The following ROCK2 variants were observed in gnomAD, a reference collection of about 807,000 sequenced individuals.
ROCK2 encodes the protein rho-associated protein kinase 2.
A neutral mutation model predicts 195.1 loss-of-function variants in ROCK2; 61 were observed. The observed-to-expected ratio is 0.31, with a 90% CI of 0.25 to 0.39. The LOEUF (loss-of-function observed/expected upper bound fraction) is 0.39, where lower values mean the gene tolerates loss of function less well. ROCK2 is among the 10% of genes least tolerant of loss of function. The pLI, the probability that ROCK2 is intolerant of heterozygous loss-of-function variation, is 1.00. For synonymous variants in ROCK2, 504 were observed against 545.5 expected, an observed-to-expected ratio of 0.92 and a Z score of 1.06; for missense variants, 1,109 against 1,637.4, an observed-to-expected ratio of 0.68 and a Z score of 5.57.
chr2:11,258,338 G>A (rs1303075799), intron 3 of ROCK2, among the ~76,000 whole-genome samples: 4 of 151,394 alleles, frequency 2.6e-5, no homozygotes, highest in East Asian at 1.9e-4. Flanking sequence ...TACTACCTGC[G>A]TATTTCTTTG....
In ROCK2 at chr2:11,265,934, A is replaced by G. The variant is rs866635922; in HGVS notation, c.325-16136T>C. Among the ~76,000 whole-genome samples, 487 of 140,018 alleles carry G rather than the reference A, an allele frequency of 3.5e-3. 4 individuals are homozygous for G. Among genetic ancestry groups the G allele is most frequent in the African/African-American group, 0.013 (455 of 35,438 alleles). 91.9% of individuals were successfully genotyped at this position (140,018 alleles called of 152,430 possible). On this transcript the variant is annotated intron_variant, in intron 3 of 32. Coordinates refer to ENST00000315872, the MANE Select transcript of ROCK2 (RefSeq NM_004850.5). ...ACACTGGGGGACCTTGTTTCTACAA[A>G]AAAAAAAAAAAATTCAAAACTAGCC...
Position 11,218,975 on chromosome 2 carries a change from C to T in ROCK2, c.1311G>A (p.Arg437=). ...AAAAATGTATACGTACTTCATTTTT[C>T]CTTGATTGTATGGAATCAGTTTCTC... ...SCRETDSIQS[R]KNEESQEIQK... is the part of the protein sequence containing the mutation. The change falls in exon 10 of 33, where the codon AGG becomes AGA. Residue 437 remains arginine (R), a synonymous_variant. Transcript: ENST00000315872. 1 of 1,459,946 alleles carries T rather than the reference C, an allele frequency of 6.8e-7. No homozygotes were observed. Among genetic ancestry groups the T allele is most frequent in the Non-Finnish European group, 9.4e-7 (1 of 1,062,700 alleles). 90.4% of individuals were successfully genotyped at this position (1,459,946 alleles called of 1,614,324 possible).
At chr2:11,273,094 CAAA>C (rs34784074) in intron 3 of ROCK2, among the ~76,000 whole-genome samples, 4 of 21,754 alleles carry the variant, frequency 1.8e-4, no homozygotes, top group African/African-American at 6.1e-4. Flanking sequence ...AAATAAGGGT[CAAA>C]AAAAAAAAAA....
At chr2:11,343,936 C>G in intron 1 of ROCK2, 60 bp downstream of exon 1, 1 of 1,540,416 alleles carries the variant, frequency 6.5e-7, no homozygotes, top group East Asian at 2.6e-5. Flanking sequence ...GAGGGCTGGG[C>G]GGAGAGGGGA....
At chr2:11,195,427 G>A (rs961971900) in intron 27 of ROCK2, among the ~76,000 whole-genome samples, 2 of 151,912 alleles carry the variant, frequency 1.3e-5, no homozygotes, top group Non-Finnish European at 2.9e-5. Flanking sequence ...ACATTTTCAA[G>A]GAGTAAATAT....
intron 5 of ROCK2, among the ~76,000 whole-genome samples, chr2:11,230,458 T>C (rs1383466691): frequency 6.6e-6 from 1 of 152,114 alleles, no homozygotes; most frequent in Non-Finnish European, 1.5e-5. Flanking sequence ...TCATGATATA[T>C]CATAGTACAG....
intron 3 of ROCK2, among the ~76,000 whole-genome samples, chr2:11,283,204 G>T (rs1054191147): frequency 6.6e-5 from 10 of 150,420 alleles, no homozygotes; most frequent in African/African-American, 2.5e-4. Flanking sequence ...GGAGGCGGAG[G>T]TTGCAGTAAG....
chr2:11,331,276 G>C (rs1347325377), intron 1 of ROCK2, among the ~76,000 whole-genome samples: 1 of 152,142 alleles, frequency 6.6e-6, no homozygotes, highest in East Asian at 1.9e-4. Context: ...TGATACACCT[G>C]TGAACAAGAA....
chr2:11,267,308 T>C (rs1019131543), intron 3 of ROCK2, among the ~76,000 whole-genome samples: 9 of 152,322 alleles, frequency 5.9e-5, no homozygotes, highest in African/African-American at 2.2e-4. Flanking sequence ...CTCTATGCTA[T>C]AGGTGGGAAC....
chr2:11,181,509 T>C lies in ROCK2; in HGVS notation c.*1928A>G, dbSNP rs532975828. 8.6e-4 allele frequency: 131 copies of C among 152,156 alleles called. No homozygotes were observed. The highest frequency in any genetic ancestry group is 3.1e-3 in the African/African-American group (127 of 41,542). The allele number at this position is 152,156 out of a possible 1,614,324, so 9.4% of individuals were successfully genotyped here. A position where few individuals can be genotyped will look rare whatever the true frequency, so the allele number is the denominator to read the frequency against. ...CAGTTTCAGTCTATCAGTAGGCCAG[T>C]AGCTACTCTTCAGTTTCCACAATAG... On this transcript the variant is annotated 3_prime_UTR_variant, in exon 33 of 33. Coordinates refer to ENST00000315872, the MANE Select transcript of ROCK2 (RefSeq NM_004850.5).
chr2:11,323,208 GCAT>G (rs1298055723), intron 1 of ROCK2, among the ~76,000 whole-genome samples: 3 of 152,112 alleles, frequency 2.0e-5, no homozygotes. Context: ...CAGAAAATAA[GCAT>G]CATAATGAAA....
At chr2:11,267,795 G>A (rs1441326917) in intron 3 of ROCK2, among the ~76,000 whole-genome samples, 15 of 149,194 alleles carry the variant, frequency 1.0e-4, no homozygotes, top group Non-Finnish European at 1.9e-4. Context: ...ACAGGTGCAC[G>A]CCACCAAGCC....
Position 11,285,734 on chromosome 2 carries a change from G to A in ROCK2, c.324+805C>T, listed in dbSNP as rs537182453. Among the ~76,000 whole-genome samples, 491 of 152,248 alleles carry A rather than the reference G, an allele frequency of 3.2e-3. 4 individuals are homozygous for A. The highest frequency in any genetic ancestry group is 0.012 in the African/African-American group (485 of 41,536). On this transcript the variant is annotated intron_variant, in intron 3 of 32. Coordinates refer to ENST00000315872, the MANE Select transcript of ROCK2 (RefSeq NM_004850.5). Reference sequence around the variant, plus strand: ...CCCAGCTTCTTGGAGGGCTGAGGTAGGAGAACTGCTTGAGCTTGAGAAGTC... The same window carrying A: ...CCCAGCTTCTTGGAGGGCTGAGGTAAGAGAACTGCTTGAGCTTGAGAAGTC...
At chr2:11,291,069 T>A (rs1380514422) in intron 1 of ROCK2, among the ~76,000 whole-genome samples, 3 of 152,134 alleles carry the variant, frequency 2.0e-5, no homozygotes, top group East Asian at 1.9e-4. Context: ...CTGTATTTTT[T>A]AAAAAAACAT....
At chr2:11,273,328 T>A (rs1403181019) in intron 3 of ROCK2, among the ~76,000 whole-genome samples, 1 of 151,954 alleles carries the variant, frequency 6.6e-6, no homozygotes, top group Non-Finnish European at 1.5e-5. Flanking sequence ...ATGGAAATAG[T>A]AACCAAAAGA....
At chr2:11,217,472 C>G (rs1357976512) in intron 11 of ROCK2, 21 of 416,202 alleles carry the variant, frequency 5.0e-5, no homozygotes, top group Non-Finnish European at 8.1e-5. Flanking sequence ...TAAAGAATAC[C>G]ACCTCAGATA....
chr2:11,207,517 T>C lies in ROCK2; in HGVS notation c.2549+209A>G, dbSNP rs148855483. Among the ~76,000 whole-genome samples the C allele has an allele frequency of 3.0e-4, 46 of 152,256 alleles. 1 individual carries two copies. The East Asian group carries it at 7.1e-3, about 24-fold the overall frequency. ...CACCAACACTTCCTCTATCATCACA[T>C]TGTAATTAGGTAGCAGCAGTAAAAA... On this transcript the variant is annotated intron_variant, in intron 20 of 32. Coordinates refer to ENST00000315872, the MANE Select transcript of ROCK2 (RefSeq NM_004850.5).
intron 4 of ROCK2, among the ~76,000 whole-genome samples, chr2:11,238,245 T>C (rs1028113327): frequency 2.6e-5 from 1 of 38,432 alleles, no homozygotes; most frequent in Non-Finnish European, 6.4e-5. Context: ...TGTGTGTCTG[T>C]TGTGTGTGTC....
chr2:11,251,092 A>G (rs1665814433), intron 3 of ROCK2, among the ~76,000 whole-genome samples: 1 of 152,168 alleles, frequency 6.6e-6, no homozygotes, highest in Non-Finnish European at 1.5e-5. Context: ...AGCATATTAC[A>G]TATTAGCTCA....
Sources: gnomAD v4.1 joint callset for allele counts (sites outside exome capture counted in the v4.1 genomes callset) on GRCh38, gnomAD v4.1.1 for gene constraint, MANE v1.5 for transcripts, NCBI Gene and HGNC (gene_info 2026-07-23, HGNC 2026-07-21) for gene names.